The following CADM2 variants were observed in gnomAD, a reference collection of about 807,000 sequenced individuals.
The protein encoded by CADM2 is immunoglobulin superfamily member 4D.
CADM2 carries 12 observed loss-of-function variants against 49.8 expected under a neutral mutation model. That is an observed-to-expected ratio of 0.24 (90% CI 0.15 to 0.39). The LOEUF is 0.39. Among genes scored for constraint, CADM2 ranks in the 10% least tolerant of loss-of-function variants. CADM2 has a pLI of 1.00. For missense variants in CADM2, 378 were observed against 492.3 expected (o/e 0.77, Z 2.20); for synonymous variants, 214 against 175.4 (o/e 1.22, Z -1.74).
intron 1 of CADM2, among the ~76,000 whole-genome samples, chr3:85,134,388 G>C (rs142110393): frequency 6.6e-6 from 1 of 152,244 alleles, no homozygotes; most frequent in African/African-American, 2.4e-5. Context: ...GAGAGCGAGC[G>C]AGGGCCGTGG....
chr3:85,366,739 C>A (rs2032815601), intron 1 of CADM2, among the ~76,000 whole-genome samples: 1 of 152,012 alleles, frequency 6.6e-6, no homozygotes, highest in African/African-American at 2.4e-5. Context: ...ATCTAAAATA[C>A]TAAATCTGTC....
intron 1 of CADM2, among the ~76,000 whole-genome samples, chr3:85,094,291 T>A (rs2037710848): frequency 6.6e-6 from 1 of 152,164 alleles, no homozygotes; most frequent in Non-Finnish European, 1.5e-5. Context: ...ATAAATAATT[T>A]TTAATGAGGT....
chr3:86,066,837 G>C lies in CADM2; in HGVS notation c.*54G>C. Reference sequence around the variant, plus strand: ...ACCAGGCTGAATGCTGGAGAAAACTGGCTATCATCTTTCAGAAGTCATTTC... The same window carrying C: ...ACCAGGCTGAATGCTGGAGAAAACTCGCTATCATCTTTCAGAAGTCATTTC... On this transcript the variant is annotated 3_prime_UTR_variant, in exon 10 of 10. Coordinates refer to ENST00000383699, the MANE Select transcript of CADM2 (RefSeq NM_001167675.2). 8.2e-7 allele frequency: 1 copy of C among 1,223,158 alleles called. No individual in the cohort carries two copies. 75.8% of individuals were successfully genotyped at this position (1,223,158 alleles called of 1,614,324 possible).
At chr3:85,743,509 A>C (rs1025443549) in intron 2 of CADM2, among the ~76,000 whole-genome samples, 10 of 152,142 alleles carry the variant, frequency 6.6e-5, no homozygotes, top group Admixed American at 2.0e-4. Flanking sequence ...AACTTTAACA[A>C]ACACTTTGTA....
At chr3:85,458,940 A>G (rs2038115562) in intron 1 of CADM2, among the ~76,000 whole-genome samples, 1 of 152,196 alleles carries the variant, frequency 6.6e-6, no homozygotes, top group South Asian at 2.1e-4. Context: ...GAATCTCTTC[A>G]GTATACAAAT....
At chr3:85,741,637 C>A (rs1439717593) in intron 2 of CADM2, among the ~76,000 whole-genome samples, 1 of 152,156 alleles carries the variant, frequency 6.6e-6, no homozygotes, top group African/African-American at 2.4e-5. Flanking sequence ...CATTGCACTC[C>A]AGCCTGGGCG....
intron 1 of CADM2, among the ~76,000 whole-genome samples, chr3:85,170,810 T>C (rs1407381635): frequency 1.3e-5 from 2 of 152,176 alleles, no homozygotes; most frequent in Non-Finnish European, 2.9e-5. Context: ...AATAACTTGG[T>C]TGTGAGAGTC....
chr3:85,521,880 G>T (rs2061033788), intron 1 of CADM2, among the ~76,000 whole-genome samples: 1 of 152,060 alleles, frequency 6.6e-6, no homozygotes, highest in South Asian at 2.1e-4. Flanking sequence ...AATGAATGCT[G>T]CACTGAACCA....
intron 1 of CADM2, among the ~76,000 whole-genome samples, chr3:85,371,895 A>G (rs1378313476): frequency 6.6e-6 from 1 of 151,434 alleles, no homozygotes; most frequent in African/African-American, 2.4e-5. Flanking sequence ...CCTCCTGTAT[A>G]CTGTGAAGGA....
chr3:85,571,410 T>TA (rs77301011), intron 1 of CADM2, among the ~76,000 whole-genome samples: 2 of 41,206 alleles, frequency 4.9e-5, no homozygotes, highest in Non-Finnish European at 2.1e-4. Context: ...TGTCCAGATG[T>TA]TTTTTTTTTC....
chr3:85,494,089 A>G (rs2039786369), intron 1 of CADM2, among the ~76,000 whole-genome samples: 1 of 152,140 alleles, frequency 6.6e-6, no homozygotes, highest in African/African-American at 2.4e-5. Flanking sequence ...TTCTTTATAA[A>G]CTTTTCGGAT....
chr3:86,012,772 C>T (rs1301445770), intron 8 of CADM2: 6 of 631,272 alleles, frequency 9.5e-6, no homozygotes, highest in East Asian at 3.0e-5. Flanking sequence ...GTCAGCAGAT[C>T]GAGACCATCC....
chr3:85,588,537 G>T (rs1044723567), intron 1 of CADM2, among the ~76,000 whole-genome samples: 1 of 152,028 alleles, frequency 6.6e-6, no homozygotes, highest in Admixed American at 6.6e-5. Flanking sequence ...TATTTCATCT[G>T]ATTTGAGATG....
At chr3:85,347,950 G>T (rs967441069) in intron 1 of CADM2, among the ~76,000 whole-genome samples, 7 of 151,992 alleles carry the variant, frequency 4.6e-5, no homozygotes, top group South Asian at 2.1e-4. Flanking sequence ...TGGGACTACA[G>T]GCGCCCACCA....
intron 1 of CADM2, among the ~76,000 whole-genome samples, chr3:85,428,192 T>C (rs1161755025): frequency 6.6e-6 from 1 of 150,862 alleles, no homozygotes; most frequent in East Asian, 1.9e-4. Flanking sequence ...GTATAATTTA[T>C]ACCTAAATTG....
chr3:85,037,575 C>T (rs1230102400), intron 1 of CADM2, among the ~76,000 whole-genome samples: 1 of 152,218 alleles, frequency 6.6e-6, no homozygotes, highest in Non-Finnish European at 1.5e-5. Flanking sequence ...TTTACAGCAG[C>T]ATGGAGGGTG....
At chr3:85,606,073 G>A (rs1022093961) in intron 1 of CADM2, among the ~76,000 whole-genome samples, 7 of 152,008 alleles carry the variant, frequency 4.6e-5, no homozygotes, top group African/African-American at 1.7e-4. Context: ...CAAATACAAC[G>A]AATAGAGACT....
chr3:85,553,924 T>C (rs2061880995), intron 1 of CADM2, among the ~76,000 whole-genome samples: 1 of 152,202 alleles, frequency 6.6e-6, no homozygotes, highest in Non-Finnish European at 1.5e-5. Flanking sequence ...CTCCAGAGTA[T>C]TTGTTCTGAG....
At chr3:85,924,852 A>C (rs1000305433) in intron 6 of CADM2, among the ~76,000 whole-genome samples, 2 of 152,154 alleles carry the variant, frequency 1.3e-5, no homozygotes, top group Non-Finnish European at 2.9e-5. Context: ...CTTCTAACAT[A>C]AAGTCCAAAC....
Sources: allele counts gnomAD v4.1 joint callset (sites outside exome capture counted in the v4.1 genomes callset), GRCh38; gene constraint gnomAD v4.1.1; transcripts MANE v1.5; gene names NCBI Gene and HGNC (gene_info 2026-07-23, HGNC 2026-07-21).